Variants in ZNF536 observed in about 807,000 individuals in gnomAD.
ZNF536 encodes the protein zinc finger protein 536.
ZNF536 carries 13 observed loss-of-function variants against 84.5 expected under a neutral mutation model. The observed-to-expected ratio is 0.15, with a 90% confidence interval of 0.10 to 0.24. The LOEUF (loss-of-function observed/expected upper bound fraction) is 0.24, where lower values mean the gene tolerates loss of function less well. Ranked by LOEUF, ZNF536 falls within the 10% of genes least tolerant of loss-of-function variation. The pLI is 1.00. For missense variants in ZNF536, 1,536 were observed against 1,747.5 expected (o/e 0.88, Z 2.16); for synonymous variants, 811 against 742.5 (o/e 1.09, Z -1.50).
At chr19:30,664,204 TTCTCTCTCTCTCTCTCTCTCTC>T (rs71173915) in intron 1 of ZNF536, among the ~76,000 whole-genome samples, 3,007 of 90,730 alleles carry the variant, frequency 0.033, 49 homozygotes, top group East Asian at 0.051. Flanking sequence ...TTGCTGAGTT[TTCTCTCTCTCTCTCTCTCTCTC>T]TCTCTCTCTC....
At chr19:30,599,914 A>AATCT (rs2047622626) in intron 1 of ZNF536, among the ~76,000 whole-genome samples, 1 of 152,104 alleles carries the variant, frequency 6.6e-6, no homozygotes, top group Non-Finnish European at 1.5e-5. Flanking sequence ...ACAAATCTCC[A>AATCT]ATCTGAGTTT....
chr19:30,635,551 C>G (rs1489043086), intron 1 of ZNF536, among the ~76,000 whole-genome samples: 3 of 152,168 alleles, frequency 2.0e-5, no homozygotes, highest in Admixed American at 6.5e-5. Flanking sequence ...TGGCCAGGAG[C>G]AAGGGCTGCC....
At chr19:30,596,486 G>A (rs950968534) in intron 1 of ZNF536, among the ~76,000 whole-genome samples, 1 of 152,152 alleles carries the variant, frequency 6.6e-6, no homozygotes, top group South Asian at 2.1e-4. Flanking sequence ...CCCCTGACAC[G>A]CCAGCAGCGG....
intron 1 of ZNF536, among the ~76,000 whole-genome samples, chr19:30,630,427 GTGTT>G (rs59514749): frequency 1.1e-3 from 156 of 140,592 alleles, no homozygotes; most frequent in African/African-American, 4.0e-3. Context: ...GTGTGTGTGT[GTGTT>G]TGTGTACCTG....
chr19:30,461,333 C>T (rs1328444237), intron 2 of ZNF536, among the ~76,000 whole-genome samples: 2 of 152,154 alleles, frequency 1.3e-5, no homozygotes, highest in Non-Finnish European at 2.9e-5. Context: ...CAGCAGAAGG[C>T]AGAATGCAGC....
rs527266201 is a variant in ZNF536 at position 30,415,284 on chromosome 19, C to CCTTCTTCTTCTTCTTCTT, written c.-2-28271_-2-28254dup. 2.0e-3 allele frequency among the ~76,000 whole-genome samples: 240 copies of CCTTCTTCTTCTTCTTCTT among 120,172 alleles called. 2 individuals carry two copies. Among genetic ancestry groups the CCTTCTTCTTCTTCTTCTT allele is most frequent in the African/African-American group, 6.3e-3 (190 of 29,978 alleles). The allele number at this position is 120,172 out of a possible 152,430, so 78.8% of individuals were successfully genotyped here. The stretch of plus-strand genomic sequence containing the variant: ...TTCTCCTCCTCCTGCTCCTCCTCCT[C>CCTTCTTCTTCTTCTTCTT]CTTCTTCTTCTTCTTCTTCTTCTCC... On this transcript the variant is annotated intron_variant, in intron 1 of 4. Transcript: ENST00000355537.
chr19:30,641,225 A>C (rs2049256054), intron 1 of ZNF536, among the ~76,000 whole-genome samples: 1 of 152,270 alleles, frequency 6.6e-6, no homozygotes, highest in South Asian at 2.1e-4. Flanking sequence ...TTCTCAAAAA[A>C]GAAATCAACC....
intron 1 of ZNF536, among the ~76,000 whole-genome samples, chr19:30,610,053 T>A (rs185210740): frequency 6.6e-6 from 1 of 152,338 alleles, no homozygotes; most frequent in African/African-American, 2.4e-5. Context: ...CACTCATCCA[T>A]CCATGTCACA....
chr19:30,561,350 A>T (rs1043538521), downstream of ZNF536, among the ~76,000 whole-genome samples: 2 of 152,134 alleles, frequency 1.3e-5, no homozygotes, highest in Non-Finnish European at 2.9e-5. Context: ...GGTTTTGCTG[A>T]GGTGCACAGT....
intron 2 of ZNF536, among the ~76,000 whole-genome samples, chr19:30,304,342 G>T (rs1005005174): frequency 1.7e-4 from 26 of 152,348 alleles, no homozygotes; most frequent in African/African-American, 6.0e-4. Context: ...CAATCTGATG[G>T]ATCCTTCTTA....
chr19:30,465,942 G>T (rs2053370041), intron 2 of ZNF536, among the ~76,000 whole-genome samples: 1 of 151,894 alleles, frequency 6.6e-6, no homozygotes, highest in Non-Finnish European at 1.5e-5. Context: ...ATTAGAGATG[G>T]GGTTTCACCG....
rs560069136 is a variant in ZNF536, at chr19:30,382,814, C to T, written c.-3+10258C>T. 2.0e-5 allele frequency among the ~76,000 whole-genome samples: 3 copies of T among 152,154 alleles called. No homozygotes were observed. The South Asian group carries it at 6.2e-4, about 32-fold the overall frequency. On this transcript the variant is annotated intron_variant, in intron 1 of 4. Transcript: ENST00000355537. ...AAATTCCTGCGGTGGGCGGCTCTGA[C>T]TTCTGAAGCACACAGGTGTTAACTG...
intron 1 of ZNF536, among the ~76,000 whole-genome samples, chr19:30,647,212 A>G (rs1267438573): frequency 3.3e-5 from 5 of 152,020 alleles, no homozygotes; most frequent in African/African-American, 1.2e-4. Flanking sequence ...AACTTTCCCT[A>G]TTTTGTCCCT....
chr19:30,334,661 C>T (rs16964099), intron 2 of ZNF536, among the ~76,000 whole-genome samples: 45,579 of 152,026 alleles, frequency 0.3, 7,303 homozygotes, highest in East Asian at 0.41. Flanking sequence ...GAGTATGACA[C>T]GGTGGGTTGA....
intron 1 of ZNF536, among the ~76,000 whole-genome samples, chr19:30,666,007 C>T (rs922354952): frequency 1.3e-5 from 2 of 152,202 alleles, no homozygotes; most frequent in Admixed American, 6.5e-5. Flanking sequence ...CAGGCTGGGG[C>T]CCCTGCAGCC....
intron 1 of ZNF536, among the ~76,000 whole-genome samples, chr19:30,421,128 C>T (rs565649065): frequency 6.6e-6 from 1 of 152,224 alleles, no homozygotes; most frequent in African/African-American, 2.4e-5. Flanking sequence ...CCTTGGGCTT[C>T]GGAGGCAGTG....
intron 2 of ZNF536, among the ~76,000 whole-genome samples, chr19:30,525,239 C>G (rs1371308574): frequency 6.6e-6 from 1 of 152,140 alleles, no homozygotes; most frequent in African/African-American, 2.4e-5. Context: ...TGGACATCCC[C>G]AGGCCTCCTC....
At chr19:30,511,759 G>T (rs2145540527) in intron 2 of ZNF536, among the ~76,000 whole-genome samples, 1 of 152,252 alleles carries the variant, frequency 6.6e-6, no homozygotes, top group African/African-American at 2.4e-5. Context: ...GGATGCTTGG[G>T]GTGGCTCAGA....
intron 3 of ZNF536, among the ~76,000 whole-genome samples, chr19:30,543,837 G>T (rs2045434801): frequency 6.6e-6 from 1 of 152,132 alleles, no homozygotes; most frequent in African/African-American, 2.4e-5. Flanking sequence ...GGAAACAGCT[G>T]GGATGTTTCC....
Sources: allele counts gnomAD v4.1 joint callset (sites outside exome capture counted in the v4.1 genomes callset), GRCh38; gene constraint gnomAD v4.1.1; transcripts MANE v1.5; gene names NCBI Gene and HGNC (gene_info 2026-07-23, HGNC 2026-07-21).